Variants in NRXN1 observed in about 807,000 individuals in gnomAD.
NRXN1 encodes neurexin 1.
NRXN1 carries 39 observed loss-of-function variants against 150.9 expected under a neutral mutation model. That is an observed-to-expected ratio of 0.26 (90% CI 0.20 to 0.34). NRXN1 has a LOEUF of 0.34. Among genes scored for constraint, NRXN1 ranks in the 10% least tolerant of loss-of-function variants. NRXN1 has a pLI of 1.00. For missense variants in NRXN1, 1,815 were observed against 1,949.9 expected, an observed-to-expected ratio of 0.93 and a Z score of 1.30; for synonymous variants, 924 against 757.0, an observed-to-expected ratio of 1.22 and a Z score of -3.62.
Position 50,709,372 on chromosome 2 carries a change from T to C in NRXN1, c.833-85757A>G, listed in dbSNP as rs1694849090. Among the ~76,000 whole-genome samples the C allele has an allele frequency of 2.0e-5, 3 of 152,140 alleles. 1 individual carries two copies. The highest frequency in any genetic ancestry group is 2.0e-4 in the Admixed American group (3 of 15,264). ...AAAAATTACCAACAATTATGATAAG[T>C]ACAGTGAAATAGAAATACACAGTGT... On this transcript the variant is annotated intron_variant, in intron 5 of 22. Coordinates refer to ENST00000401669, the MANE Select transcript of NRXN1 (RefSeq NM_001330078.2).
Position 50,497,102 on chromosome 2 carries a change from A to G in NRXN1, c.2879+231T>C, listed in dbSNP as rs13386159. Among the ~76,000 whole-genome samples, 9,521 of 152,204 alleles carry G rather than the reference A, an allele frequency of 0.063. 1,026 individuals are homozygous for G. Among genetic ancestry groups the G allele is most frequent in the African/African-American group, 0.22 (8,939 of 41,492 alleles). ...AATGCCTACCATAAATTAGAGCCCA[A>G]TGTAATTTGTATCTCATATGTGAAA... On this transcript the variant is annotated intron_variant, in intron 14 of 22. Coordinates refer to ENST00000401669, the MANE Select transcript of NRXN1 (RefSeq NM_001330078.2).
chr2:50,732,532 G>A (rs116951553), intron 5 of NRXN1, among the ~76,000 whole-genome samples: 2 of 152,040 alleles, frequency 1.3e-5, no homozygotes, highest in South Asian at 2.1e-4. Context: ...CTATAATTTT[G>A]CACTTGTTTT....
chr2:50,484,631 C>A (rs779700497), intron 15 of NRXN1, among the ~76,000 whole-genome samples: 69 of 152,274 alleles, frequency 4.5e-4, no homozygotes, highest in Non-Finnish European at 5.3e-4. Context: ...CCTATAAATG[C>A]AAATGTTCTG....
intron 5 of NRXN1, among the ~76,000 whole-genome samples, chr2:50,649,259 TACACACACAC>T (rs10634117): frequency 1.7e-4 from 24 of 143,240 alleles, no homozygotes; most frequent in African/African-American, 2.1e-4. Flanking sequence ...CATACACACA[TACACACACAC>T]ACACACACAC....
chr2:50,514,066 T>G (rs2092553962), intron 12 of NRXN1, among the ~76,000 whole-genome samples: 1 of 152,200 alleles, frequency 6.6e-6, no homozygotes, highest in Non-Finnish European at 1.5e-5. Flanking sequence ...TCTAACATAT[T>G]CATTGTAATT....
At chr2:51,030,535 AACAC>A (rs57434663) in intron 1 of NRXN1, among the ~76,000 whole-genome samples, 21,014 of 145,162 alleles carry the variant, frequency 0.14, 1,555 homozygotes, top group East Asian at 0.21. Context: ...TCTCTCTTTC[AACAC>A]ACACACACAC....
At chr2:50,620,322 G>T in intron 7 of NRXN1, 139 bp from the exon 8 acceptor site, 1 of 1,014,760 alleles carries the variant, frequency 9.9e-7, no homozygotes, top group Non-Finnish European at 1.4e-6. Flanking sequence ...TGTTTGTTTG[G>T]TTTTTGTTTT....
Position 50,274,651 on chromosome 2 carries a change from A to G in NRXN1, c.3365-37681T>C, listed in dbSNP as rs558263500. ...CTGTAAAAATAGACATCACTTTTCA[A>G]TATAAAATGTATCTCAAACTTTCTG... is the stretch of plus-strand genomic sequence containing the variant. On this transcript the variant is annotated intron_variant, in intron 17 of 22. Transcript: ENST00000401669. Among the ~76,000 whole-genome samples the G allele has an allele frequency of 2.0e-5, 3 of 152,322 alleles. No homozygotes were observed. In the East Asian group the frequency reaches 5.8e-4, roughly 29 times the overall value.
At chr2:50,765,098 T>A (rs969232341) in intron 5 of NRXN1, among the ~76,000 whole-genome samples, 2 of 152,062 alleles carry the variant, frequency 1.3e-5, no homozygotes, top group African/African-American at 2.4e-5. Flanking sequence ...GAAACTACTC[T>A]GTCCAATCAA....
In NRXN1 at chr2:50,266,536, T is replaced by TATAC. The variant is rs749472516; in HGVS notation, c.3365-29567_3365-29566insGTAT. Among the ~76,000 whole-genome samples the TATAC allele has an allele frequency of 9.6e-3, 1,082 of 112,792 alleles. 9 individuals carry two copies. The highest frequency in any genetic ancestry group is 0.024 in the African/African-American group (768 of 31,478). The allele number at this position is 112,792 out of a possible 152,430, so 74.0% of individuals were successfully genotyped here. On this transcript the variant is annotated intron_variant, in intron 17 of 22. Transcript: ENST00000401669. ...AAATATATTTATATATGTATATAAA[T>TATAC]ACACACACACACACACACACACACA...
At chr2:50,315,580 C>A (rs1477281884) in intron 17 of NRXN1, among the ~76,000 whole-genome samples, 1 of 152,118 alleles carries the variant, frequency 6.6e-6, no homozygotes, top group African/African-American at 2.4e-5. Context: ...TCCAAATTGT[C>A]TCCTGTACAG....
chr2:50,340,492 T>G (rs528771741), intron 17 of NRXN1, among the ~76,000 whole-genome samples: 1 of 152,112 alleles, frequency 6.6e-6, no homozygotes, highest in African/African-American at 2.4e-5. Context: ...ACGCCATGGC[T>G]CCTGTGCACC....
At chr2:50,531,162 G>T (rs964033379) in intron 11 of NRXN1, 65 bp downstream of exon 11, 2 of 1,202,196 alleles carry the variant, frequency 1.7e-6, no homozygotes, top group African/African-American at 5.6e-5. Context: ...CTTGATCAAT[G>T]TTTGCAGGCA....
At chr2:50,006,846 G>T (rs1684852640) in intron 21 of NRXN1, among the ~76,000 whole-genome samples, 1 of 151,970 alleles carries the variant, frequency 6.6e-6, no homozygotes, top group Admixed American at 6.6e-5. Flanking sequence ...CCTGGGGTTG[G>T]GCCTTAAACA....
Position 50,531,422 on chromosome 2 carries a change from C to T in NRXN1, c.2152G>A (p.Val718Ile). Residue 718 changes from valine to isoleucine, a missense_variant, in exon 11 of 23, where the codon GTT becomes ATT. Physicochemically the swap from Val to Ile is conservative, Grantham distance 29. Coordinates refer to ENST00000401669, the MANE Select transcript of NRXN1 (RefSeq NM_001330078.2). ...LGRSCEREAT[V>I]LSYDGSMFMK... The stretch of plus-strand genomic sequence containing the variant: ...AACATGCTCCCATCATAGCTCAAAA[C>T]CGTTGCCTCTAGAGATGGAAAATGA... 2 of 1,610,388 alleles carry T rather than the reference C, an allele frequency of 1.2e-6. No homozygotes were observed. The highest frequency in any genetic ancestry group is 1.7e-6 in the Non-Finnish European group (2 of 1,178,178).
chr2:50,546,043 A>G (rs1336041568), intron 9 of NRXN1, among the ~76,000 whole-genome samples: 1 of 152,114 alleles, frequency 6.6e-6, no homozygotes, highest in Non-Finnish European at 1.5e-5. Flanking sequence ...GATTGAATCC[A>G]CAGATGCAAA....
chr2:50,632,383 G>A (rs1682497065), intron 5 of NRXN1: 1 of 152,002 alleles, frequency 6.6e-6, no homozygotes, highest in East Asian at 1.9e-4. Context: ...CAGAGGAAAG[G>A]AGAATTTTCA....
chr2:50,169,955 C>T lies in NRXN1; in HGVS notation c.3546+66834G>A, dbSNP rs2059927945. On this transcript the variant is annotated intron_variant, in intron 18 of 22. Transcript: ENST00000401669. ...AGATCATGGCAGTCTTAGTATCACA[C>T]CAAGAACTTTGACTTTGTTCTACAG... 2.6e-5 allele frequency among the ~76,000 whole-genome samples: 4 copies of T among 152,010 alleles called. No homozygotes were observed. In the South Asian group the frequency reaches 8.3e-4, roughly 32 times the overall value.
chr2:50,406,722 A>T (rs984879454), intron 17 of NRXN1, among the ~76,000 whole-genome samples: 5 of 152,188 alleles, frequency 3.3e-5, no homozygotes, highest in Admixed American at 2.6e-4. Flanking sequence ...AGAGACAGAC[A>T]GAGTTTGCAC....
Sources: allele counts gnomAD v4.1 joint callset (sites outside exome capture counted in the v4.1 genomes callset), GRCh38; gene constraint gnomAD v4.1.1; transcripts MANE v1.5; gene names NCBI Gene and HGNC (gene_info 2026-07-23, HGNC 2026-07-21).